ACAD10: variants seen among roughly 807,000 people sequenced by gnomAD.
The protein encoded by ACAD10 is acyl-CoA dehydrogenase family member 10.
In ACAD10, 112 loss-of-function variants were observed where a neutral mutation model predicts 116.8. The observed-to-expected ratio is 0.96, with a 90% CI of 0.82 to 1.12. The LOEUF (loss-of-function observed/expected upper bound fraction) is 1.12, where lower values mean the gene tolerates loss of function less well. ACAD10 is among the 50% of genes most tolerant of loss of function. ACAD10 has a pLI of 0.00. For missense variants in ACAD10, 1,259 were observed against 1,350.2 expected (o/e 0.93, Z 1.06); for synonymous variants, 486 against 510.6 (o/e 0.95, Z 0.65).
Position 111,734,019 on chromosome 12 carries a change from CTACAGCTGCCTGGCTCA to C in ACAD10, c.1493_1509del (p.Tyr498LeufsTer13), listed in dbSNP as rs1311793912. On this transcript the variant is annotated frameshift_variant, in exon 11 of 21. Coordinates refer to ENST00000313698, the MANE Select transcript of ACAD10 (RefSeq NM_025247.6). LOFTEE classifies it high-confidence loss of function. The stretch of plus-strand genomic sequence containing the variant: ...TGGGCGACCCCCTTGCTGATGTGGC[CTACAGCTGCCTGGCTCA>C]TTACCTGCCATCCAGTTTTCCCGTG... The C allele has an allele frequency of 6.2e-7, 1 of 1,614,196 alleles. No homozygotes were observed. Among genetic ancestry groups the C allele is most frequent in the Non-Finnish European group, 8.5e-7 (1 of 1,180,024 alleles).
intron 18 of ACAD10, among the ~76,000 whole-genome samples, chr12:111,752,536 G>C (rs1432932558): frequency 2.0e-5 from 3 of 151,988 alleles, no homozygotes; most frequent in Admixed American, 6.6e-5. Flanking sequence ...TGAACCCCGG[G>C]AGGCAGAGGT....
chr12:111,726,208 C>A (rs143418951), intron 8 of ACAD10, among the ~76,000 whole-genome samples: 1 of 151,996 alleles, frequency 6.6e-6, no homozygotes, highest in African/African-American at 2.4e-5. Context: ...AGGCCAAGAT[C>A]GCACCACTGC....
At chr12:111,725,587 C>T (rs1242907292) in intron 8 of ACAD10, among the ~76,000 whole-genome samples, 1 of 150,754 alleles carries the variant, frequency 6.6e-6, no homozygotes, top group Non-Finnish European at 1.5e-5. Context: ...CAGGCTGGAG[C>T]GAAATGGCGC....
chr12:111,696,738 C>CTTTTTTTTT, intron 2 of ACAD10, among the ~76,000 whole-genome samples: 1 of 152,178 alleles, frequency 6.6e-6, no homozygotes, highest in Admixed American at 6.6e-5. Flanking sequence ...TTTTATTTTA[C>CTTTTTTTTT]TTTATTTTTC....
At chr12:111,705,383 G>A (rs557366392) in intron 3 of ACAD10, among the ~76,000 whole-genome samples, 63 of 152,084 alleles carry the variant, frequency 4.1e-4, no homozygotes, top group Middle Eastern at 3.4e-3. Flanking sequence ...GTGCCACCAA[G>A]CCTAGCTAAG....
In ACAD10 at chr12:111,753,208, AG is replaced by A. The variant is rs139126283; in HGVS notation, c.2818-563del. 77 of 258,206 alleles carry A rather than the reference AG, an allele frequency of 3.0e-4. No individual in the cohort carries two copies. In the East Asian group the frequency reaches 7.0e-3, roughly 23 times the overall value. The allele number at this position is 258,206 out of a possible 1,614,324, so 16.0% of individuals were successfully genotyped here. On this transcript the variant is annotated intron_variant, in intron 18 of 20. Transcript: ENST00000313698. ...AAACAAGAAAAAAAAAGGAATACTTAGAACCTTTTCTGATGCCTTGTGACTT... is the reference window on the plus strand; with the variant it reads ...AAACAAGAAAAAAAAAGGAATACTTAAACCTTTTCTGATGCCTTGTGACTT...
At chr12:111,716,209 C>T (rs931748728) in intron 7 of ACAD10, among the ~76,000 whole-genome samples, 3 of 151,340 alleles carry the variant, frequency 2.0e-5, no homozygotes, top group Non-Finnish European at 4.4e-5. Flanking sequence ...TACCCCCCAT[C>T]CCCCCCCAAA....
chr12:111,756,055 T>C, intron 20 of ACAD10: 1 of 1,152,520 alleles, frequency 8.7e-7, no homozygotes, highest in South Asian at 1.7e-5. Flanking sequence ...CCCAGGCTCT[T>C]TCCCATGCAG....
chr12:111,736,843 G>C lies in ACAD10; in HGVS notation c.1553G>C (p.Cys518Ser). The part of the protein sequence containing the change: ...SFPVLRGIND[C>S]DLTQLGIPAA... ...GTCTTTCTCGCAGGTATTAATGACTGTGACTTGACACAGCTGGGAATCCCT... is the reference window on the plus strand; with the variant it reads ...GTCTTTCTCGCAGGTATTAATGACTCTGACTTGACACAGCTGGGAATCCCT... Residue 518 changes from cysteine to serine, a missense_variant, in exon 12 of 21, where the codon TGT becomes TCT. Coordinates refer to ENST00000313698, the MANE Select transcript of ACAD10 (RefSeq NM_025247.6). The C allele has an allele frequency of 1.2e-6, 2 of 1,613,682 alleles. No homozygotes were observed. The highest frequency in any genetic ancestry group is 2.7e-5 in the African/African-American group (2 of 75,032).
At chr12:111,701,437 GGC>G (rs1448035869) in intron 2 of ACAD10, among the ~76,000 whole-genome samples, 4 of 152,072 alleles carry the variant, frequency 2.6e-5, no homozygotes, top group African/African-American at 9.7e-5. Context: ...GAGGCAGGCA[GGC>G]AGATCACCTG....
chr12:111,730,123 A>G (rs1385838253), intron 10 of ACAD10, among the ~76,000 whole-genome samples, 167 bp downstream of exon 10: 1 of 152,188 alleles, frequency 6.6e-6, no homozygotes, highest in Non-Finnish European at 1.5e-5. Flanking sequence ...GCACTGTGAC[A>G]TGTTGAATTG....
In ACAD10 at chr12:111,734,018, C is replaced by T. The variant is rs771678522; in HGVS notation, c.1490C>T (p.Ala497Val). 3 of 1,614,196 alleles carry T rather than the reference C, an allele frequency of 1.9e-6. No homozygotes were observed. In the Admixed American group the frequency reaches 5.0e-5, roughly 27 times the overall value. Residue 497 changes from alanine (A) to valine (V), a missense_variant, in exon 11 of 21, where the codon GCC (alanine) becomes GTC (valine). Coordinates refer to ENST00000313698, the MANE Select transcript of ACAD10 (RefSeq NM_025247.6). Reference sequence around the variant, plus strand: ...TTGGGCGACCCCCTTGCTGATGTGGCCTACAGCTGCCTGGCTCATTACCTG... The same window carrying T: ...TTGGGCGACCCCCTTGCTGATGTGGTCTACAGCTGCCTGGCTCATTACCTG... ...STLGDPLADV[A>V]YSCLAHYLPS... is the part of the protein sequence containing the mutation.
At chr12:111,700,723 T>TTTCCTTCCTTCATTCCTTCCTTCC (rs1888323904) in intron 2 of ACAD10, among the ~76,000 whole-genome samples, 1 of 150,490 alleles carries the variant, frequency 6.6e-6, no homozygotes, top group African/African-American at 2.5e-5. Flanking sequence ...GTCCTTTTAC[T>TTTCCTTCCTTCATTCCTTCCTTCC]TTCCTTCCTT....
chr12:111,704,402 A>G (rs2135951610), intron 3 of ACAD10, among the ~76,000 whole-genome samples: 1 of 152,114 alleles, frequency 6.6e-6, no homozygotes, highest in African/African-American at 2.4e-5. Context: ...GGCCTCCCAA[A>G]GTGCTGGGAT....
intron 6 of ACAD10, chr12:111,715,581 G>T: frequency 2.1e-6 from 1 of 479,452 alleles, no homozygotes; most frequent in Non-Finnish European, 3.7e-6. Flanking sequence ...AAATTACTGT[G>T]GTATAAAATG....
intron 8 of ACAD10, among the ~76,000 whole-genome samples, chr12:111,724,350 A>T (rs1247384218): frequency 4.6e-5 from 7 of 151,794 alleles, no homozygotes; most frequent in Admixed American, 3.9e-4. Flanking sequence ...GGCTCCTCAC[A>T]TCCCAGACGA....
Position 111,735,215 on chromosome 12 carries a change from C to T in ACAD10, c.1540+1147C>T, listed in dbSNP as rs368385209. ...CTCGAGCCTAGGCAACAGAGCAAGA[C>T]TCCATCTCAAAAAAAAAAAAAGAAT... On this transcript the variant is annotated intron_variant, in intron 11 of 20. Coordinates refer to ENST00000313698, the MANE Select transcript of ACAD10 (RefSeq NM_025247.6). 2.0e-5 allele frequency among the ~76,000 whole-genome samples: 3 copies of T among 148,100 alleles called. No homozygotes were observed. The East Asian group carries it at 6.0e-4, about 30-fold the overall frequency.
rs1306535381 is a variant in ACAD10 at position 111,745,226 on chromosome 12, G to C, written c.2115+183G>C. The C allele has an allele frequency of 5.7e-6, 4 of 698,188 alleles. No homozygotes were observed. The African/African-American group carries it at 7.2e-5, about 13-fold the overall frequency. The allele number at this position is 698,188 out of a possible 1,614,324, so 43.2% of individuals were successfully genotyped here. On this transcript the variant is annotated intron_variant, in intron 13 of 20. Coordinates refer to ENST00000313698, the MANE Select transcript of ACAD10 (RefSeq NM_025247.6). ...GACTCAGTTTCCATCTCTTGCTCTTGCTGTGCCTGTGTCACAGGCAGATGG... is the reference window on the plus strand; with the variant it reads ...GACTCAGTTTCCATCTCTTGCTCTTCCTGTGCCTGTGTCACAGGCAGATGG...
At position 111,753,919 on chromosome 12, in the gene ACAD10, G is replaced by C. The variant is rs1890140255; in HGVS notation, c.2961+4G>C. The C allele has an allele frequency of 2.5e-6, 4 of 1,597,576 alleles. No individual in the cohort carries two copies. Among genetic ancestry groups the C allele is most frequent in the Non-Finnish European group, 3.4e-6 (4 of 1,169,344 alleles). ...CATGGACCTGGCAGGAAACAAGGTA[G>C]GGGCAGGGGCACGAGGGGGCCTCCC... On this transcript the variant is annotated splice_donor_region_variant and intron_variant, in intron 19 of 20. Coordinates refer to ENST00000313698, the MANE Select transcript of ACAD10 (RefSeq NM_025247.6).
Sources: allele counts gnomAD v4.1 joint callset (sites outside exome capture counted in the v4.1 genomes callset), GRCh38; gene constraint gnomAD v4.1.1; transcripts MANE v1.5; gene names NCBI Gene and HGNC (gene_info 2026-07-23, HGNC 2026-07-21).